ANO2: variants seen among roughly 807,000 people sequenced by gnomAD.
ANO2 encodes the protein anoctamin 2.
Under a neutral mutation model 124.2 loss-of-function variants are expected in ANO2, and 101 were observed. That is an observed-to-expected ratio of 0.81 (90% CI 0.69 to 0.96). The LOEUF is 0.96. ANO2 is among the 40% of genes least tolerant of loss of function. The pLI is 0.00. For missense variants in ANO2, 1,293 were observed against 1,274.5 expected, an observed-to-expected ratio of 1.01 and a Z score of -0.22; for synonymous variants, 486 against 482.5, an observed-to-expected ratio of 1.01 and a Z score of -0.09.
At chr12:5,811,084 G>A (rs1223045398) in intron 7 of ANO2, among the ~76,000 whole-genome samples, 2 of 152,202 alleles carry the variant, frequency 1.3e-5, no homozygotes, top group Admixed American at 6.5e-5. Context: ...GTGCTGCTGG[G>A]TGACAGGGAC....
intron 10 of ANO2, among the ~76,000 whole-genome samples, chr12:5,756,646 C>G (rs540516952): frequency 6.6e-6 from 1 of 152,326 alleles, no homozygotes; most frequent in African/African-American, 2.4e-5. Flanking sequence ...GGGCCTGTTG[C>G]CAGAGTCTGT....
chr12:5,612,023 G>T (rs907146663), intron 19 of ANO2, among the ~76,000 whole-genome samples: 1 of 152,190 alleles, frequency 6.6e-6, no homozygotes, highest in Non-Finnish European at 1.5e-5. Flanking sequence ...AGCAGAGGGG[G>T]TTACATTTTT....
At chr12:5,592,825 G>A (rs1943470940) in intron 20 of ANO2, among the ~76,000 whole-genome samples, 2 of 152,190 alleles carry the variant, frequency 1.3e-5, no homozygotes, top group African/African-American at 4.8e-5. Context: ...TAGGGTTCAC[G>A]CAAAGTCAGA....
rs200511572 is a variant in ANO2 at position 5,922,774 on chromosome 12, C to T, written c.53G>A (p.Arg18Gln). The change falls in exon 2 of 25, where the codon CGG becomes CAG. Residue 18 changes from arginine to glutamine, a missense_variant. Coordinates refer to ENST00000682330, the MANE Select transcript of ANO2 (RefSeq NM_001364791.2). ...TCTGGACCCTGCCTGAGGGCTCAGC[C>T]GGCGTGGGGAGCCAGGGAGCAGGGG... Reference protein sequence around the residue: ...DIPLLPGSPRRLSPQAGSRGG... With the variant: ...DIPLLPGSPRQLSPQAGSRGG... The T allele has an allele frequency of 1.2e-4, 192 of 1,543,010 alleles. No homozygotes were observed. The highest frequency in any genetic ancestry group is 1.4e-4 in the Non-Finnish European group (159 of 1,145,476).
At chr12:5,624,777 T>C (rs1210694240) in intron 16 of ANO2, among the ~76,000 whole-genome samples, 1 of 151,814 alleles carries the variant, frequency 6.6e-6, no homozygotes, top group Non-Finnish European at 1.5e-5. Context: ...TAGAGAGCGG[T>C]GAGTGTTGAA....
chr12:5,569,324 C>T (rs1941964118), intron 23 of ANO2, among the ~76,000 whole-genome samples: 1 of 151,026 alleles, frequency 6.6e-6, no homozygotes, highest in Non-Finnish European at 1.5e-5. Flanking sequence ...GGGTGAGCCC[C>T]CACAACTGGT....
At chr12:5,937,306 A>G (rs1390491544) in intron 1 of ANO2, among the ~76,000 whole-genome samples, 1 of 152,178 alleles carries the variant, frequency 6.6e-6, no homozygotes, top group Non-Finnish European at 1.5e-5. Flanking sequence ...TTCCCTAATG[A>G]CTGGTGACGT....
At chr12:5,702,074 A>G (rs1218550654) in intron 14 of ANO2, among the ~76,000 whole-genome samples, 1 of 152,276 alleles carries the variant, frequency 6.6e-6, no homozygotes, top group Non-Finnish European at 1.5e-5. Flanking sequence ...TGTGATTTTT[A>G]TAACGTAAAT....
chr12:5,835,264 T>C (rs1397682155), intron 4 of ANO2, among the ~76,000 whole-genome samples: 1 of 152,156 alleles, frequency 6.6e-6, no homozygotes, highest in Non-Finnish European at 1.5e-5. Context: ...ATAGTGACAA[T>C]CTTCATGTGC....
At chr12:5,881,512 G>C (rs1938497455) in intron 3 of ANO2, among the ~76,000 whole-genome samples, 2 of 152,124 alleles carry the variant, frequency 1.3e-5, no homozygotes, top group African/African-American at 4.8e-5. Context: ...AATTCAGAAG[G>C]GGCAATATTG....
intron 14 of ANO2, among the ~76,000 whole-genome samples, chr12:5,677,213 C>T (rs954269139): frequency 6.6e-6 from 1 of 151,960 alleles, no homozygotes; most frequent in Non-Finnish European, 1.5e-5. Context: ...CCTTTGGCAC[C>T]CATGGGGAAG....
At chr12:5,867,089 G>C (rs1318342263) in intron 3 of ANO2, among the ~76,000 whole-genome samples, 1 of 152,240 alleles carries the variant, frequency 6.6e-6, no homozygotes, top group South Asian at 2.1e-4. Flanking sequence ...GTTTTCTGAA[G>C]ACAGGCTCTG....
chr12:5,874,228 A>G (rs1479244269), intron 3 of ANO2, among the ~76,000 whole-genome samples: 1 of 152,204 alleles, frequency 6.6e-6, no homozygotes, highest in South Asian at 2.1e-4. Context: ...TCTTTCTCCT[A>G]AAGAGCTAGG....
At chr12:5,732,746 T>C (rs1320790426) in intron 13 of ANO2, 116 bp from the exon 14 acceptor site, 46 of 1,534,676 alleles carry the variant, frequency 3.0e-5, no homozygotes, top group Non-Finnish European at 4.1e-5. Context: ...TGCTATTGGA[T>C]ATGAACTGCC....
At chr12:5,731,292 T>C (rs1050911100) in intron 14 of ANO2, among the ~76,000 whole-genome samples, 1 of 152,148 alleles carries the variant, frequency 6.6e-6, no homozygotes, top group Admixed American at 6.5e-5. Flanking sequence ...GGTCTTGGAC[T>C]TGGTCTTCGT....
chr12:5,649,335 A>G lies in ANO2; in HGVS notation c.1546-1534T>C, dbSNP rs148169300. ...TTTACAGATTATGTAAACAAGCAATAGATTCAGGTTTGCACAGACTTAGTG... is the reference window on the plus strand; with the variant it reads ...TTTACAGATTATGTAAACAAGCAATGGATTCAGGTTTGCACAGACTTAGTG... On this transcript the variant is annotated intron_variant, in intron 14 of 24. Transcript: ENST00000682330. Among the ~76,000 whole-genome samples, 316 of 152,336 alleles carry G rather than the reference A, an allele frequency of 2.1e-3. 1 individual carries two copies. Among genetic ancestry groups the G allele is most frequent in the African/African-American group, 7.3e-3 (304 of 41,570 alleles).
chr12:5,805,532 T>A (rs1953163645), intron 9 of ANO2, among the ~76,000 whole-genome samples: 1 of 152,188 alleles, frequency 6.6e-6, no homozygotes, highest in South Asian at 2.1e-4. Context: ...TGGGAGTGGC[T>A]ATACTCCACC....
chr12:5,916,646 AG>A (rs753907356), intron 3 of ANO2, among the ~76,000 whole-genome samples: 78 of 148,202 alleles, frequency 5.3e-4, no homozygotes, highest in Non-Finnish European at 6.1e-4. Context: ...GGAATGGGGT[AG>A]ATGGAAACTC....
chr12:5,830,337 G>A (rs1199296520), intron 6 of ANO2, 98 bp downstream of exon 6: 10 of 1,238,318 alleles, frequency 8.1e-6, no homozygotes, highest in Middle Eastern at 2.0e-4. Flanking sequence ...AGCAAATAAC[G>A]GTGTGAGGTG....
Sources: gnomAD v4.1 joint callset for allele counts (sites outside exome capture counted in the v4.1 genomes callset) on GRCh38, gnomAD v4.1.1 for gene constraint, MANE v1.5 for transcripts, NCBI Gene and HGNC (gene_info 2026-07-23, HGNC 2026-07-21) for gene names.